HPSE2: variants seen among roughly 807,000 people sequenced by gnomAD.
The protein encoded by HPSE2 is heparanase 2 (inactive), also known as inactive heparanase-2.
HPSE2 carries 38 observed loss-of-function variants against 60.5 expected under a neutral mutation model. That is an observed-to-expected ratio of 0.63 (90% CI 0.48 to 0.82). HPSE2 has a LOEUF of 0.82. Ranked by LOEUF, HPSE2 falls within the 40% of genes least tolerant of loss-of-function variation. HPSE2 has a pLI of 0.00. For missense variants in HPSE2, 713 were observed against 740.4 expected (o/e 0.96, Z 0.43); for synonymous variants, 295 against 293.2 (o/e 1.01, Z -0.06).
intron 9 of HPSE2, among the ~76,000 whole-genome samples, chr10:98,613,911 G>A (rs889149346): frequency 6.6e-6 from 1 of 152,194 alleles, no homozygotes; most frequent in Non-Finnish European, 1.5e-5. Context: ...TTTCTGATAA[G>A]CGTAGCTTTT....
At chr10:99,032,560 G>T (rs1164167030) in intron 3 of HPSE2, among the ~76,000 whole-genome samples, 1 of 152,082 alleles carries the variant, frequency 6.6e-6, no homozygotes, top group Non-Finnish European at 1.5e-5. Flanking sequence ...TGAACATATT[G>T]ATGTAGAAAA....
the HPSE2 span, among the ~76,000 whole-genome samples, chr10:99,283,040 G>C: frequency 6.6e-6 from 1 of 151,976 alleles, no homozygotes; most frequent in Non-Finnish European, 1.5e-5. Flanking sequence ...AAAAAAATTA[G>C]CTGGGCATGG....
At chr10:99,072,792 G>A (rs1842834903) in intron 3 of HPSE2, among the ~76,000 whole-genome samples, 1 of 151,976 alleles carries the variant, frequency 6.6e-6, no homozygotes, top group South Asian at 2.1e-4. Flanking sequence ...AGCTGGGCGT[G>A]GTGGTGCACG....
chr10:98,735,720 C>A (rs947358725), intron 4 of HPSE2, among the ~76,000 whole-genome samples: 2 of 152,106 alleles, frequency 1.3e-5, no homozygotes, highest in Non-Finnish European at 2.9e-5. Context: ...ATTTGACTGC[C>A]CTGCTTGATT....
intron 3 of HPSE2, among the ~76,000 whole-genome samples, chr10:98,947,195 C>T (rs577584092): frequency 3.9e-5 from 6 of 152,202 alleles, no homozygotes; most frequent in African/African-American, 1.4e-4. Flanking sequence ...ATCATAAAGC[C>T]ATCACTGCAG....
chr10:99,029,169 G>A (rs752466200), intron 3 of HPSE2, among the ~76,000 whole-genome samples: 3 of 152,040 alleles, frequency 2.0e-5, no homozygotes, highest in Non-Finnish European at 4.4e-5. Flanking sequence ...CACAGCAAAG[G>A]ATACAATCAA....
At chr10:99,113,024 T>C (rs1342580) in intron 3 of HPSE2, among the ~76,000 whole-genome samples, 74,706 of 152,060 alleles carry the variant, frequency 0.49, 20,805 homozygotes, top group East Asian at 0.65. Context: ...CTTACTTCTT[T>C]TGGACTCCAT....
the HPSE2 span, among the ~76,000 whole-genome samples, chr10:99,281,380 C>T: frequency 6.6e-6 from 1 of 151,030 alleles, no homozygotes; most frequent in East Asian, 1.9e-4. Context: ...ATCCAACTTA[C>T]TCTGCTACCT....
intron 11 of HPSE2, among the ~76,000 whole-genome samples, chr10:98,462,468 C>T (rs1034625852): frequency 1.3e-5 from 2 of 152,158 alleles, no homozygotes; most frequent in South Asian, 2.1e-4. Context: ...CATGAGCCAC[C>T]GTGTCTGACC....
At chr10:99,303,801 T>G in the HPSE2 span, among the ~76,000 whole-genome samples, 1 of 152,142 alleles carries the variant, frequency 6.6e-6, no homozygotes, top group African/African-American at 2.4e-5. Context: ...TCCTGCTCTG[T>G]TTTTTACCCC....
intron 3 of HPSE2, among the ~76,000 whole-genome samples, chr10:98,794,504 C>T (rs1950729628): frequency 6.6e-6 from 1 of 152,152 alleles, no homozygotes; most frequent in African/African-American, 2.4e-5. Flanking sequence ...CTTGGCCTCC[C>T]GAAGTGTTGG....
At chr10:98,867,712 A>G (rs1446769695) in intron 3 of HPSE2, among the ~76,000 whole-genome samples, 3 of 152,304 alleles carry the variant, frequency 2.0e-5, no homozygotes, top group African/African-American at 4.8e-5. Context: ...TTGCAGCACT[A>G]TTGACAATAA....
intron 3 of HPSE2, among the ~76,000 whole-genome samples, chr10:99,113,533 A>G (rs1239039885): frequency 6.6e-6 from 1 of 152,172 alleles, no homozygotes; most frequent in Non-Finnish European, 1.5e-5. Flanking sequence ...ACATTATAAA[A>G]CAGATCAAAC....
intron 2 of HPSE2, among the ~76,000 whole-genome samples, chr10:99,180,815 G>A (rs899836982): frequency 1.2e-4 from 18 of 148,814 alleles, no homozygotes; most frequent in Non-Finnish European, 1.6e-4. Flanking sequence ...GCTTGAATCC[G>A]GGAGCCAGAA....
At chr10:98,807,692 C>A (rs1191990335) in intron 3 of HPSE2, among the ~76,000 whole-genome samples, 1 of 151,966 alleles carries the variant, frequency 6.6e-6, no homozygotes, top group African/African-American at 2.4e-5. Flanking sequence ...TTCCTTTGTA[C>A]CTTATCAAGG....
chr10:98,582,677 T>G (rs1000916480), intron 9 of HPSE2, among the ~76,000 whole-genome samples: 1 of 152,228 alleles, frequency 6.6e-6, no homozygotes, highest in Non-Finnish European at 1.5e-5. Context: ...ACGTATTCTT[T>G]TATGGCATAA....
At chr10:99,150,264 A>C (rs1846210583) in intron 2 of HPSE2, among the ~76,000 whole-genome samples, 1 of 152,196 alleles carries the variant, frequency 6.6e-6, no homozygotes, top group Non-Finnish European at 1.5e-5. Context: ...CCAGTTAGTA[A>C]CCCACAGCAG....
At chr10:99,065,021 C>T (rs950815177) in intron 3 of HPSE2, among the ~76,000 whole-genome samples, 17 of 152,072 alleles carry the variant, frequency 1.1e-4, no homozygotes, top group East Asian at 3.8e-4. Flanking sequence ...TGAAGCTTTC[C>T]GTGACCTACT....
At chr10:98,764,699 A>T (rs1950081072) in intron 3 of HPSE2, among the ~76,000 whole-genome samples, 1 of 152,104 alleles carries the variant, frequency 6.6e-6, no homozygotes, top group Non-Finnish European at 1.5e-5. Flanking sequence ...TACTAAAAAA[A>T]CACAAAAATT....
Sources: gnomAD v4.1 joint callset for allele counts (sites outside exome capture counted in the v4.1 genomes callset) on GRCh38, gnomAD v4.1.1 for gene constraint, MANE v1.5 for transcripts, NCBI Gene and HGNC (gene_info 2026-07-23, HGNC 2026-07-21) for gene names.